SLC66A2: variants seen among roughly 807,000 people sequenced by gnomAD.
SLC66A2 encodes PQ loop repeat containing 1.
In SLC66A2, 23 loss-of-function variants were observed where a neutral mutation model predicts 25.5. The observed-to-expected ratio is 0.90, with a 90% CI of 0.65 to 1.28. SLC66A2 has a LOEUF of 1.28. Among genes scored for constraint, SLC66A2 ranks in the 50% most tolerant of loss-of-function variants. SLC66A2 has a pLI of 0.00. For missense variants in SLC66A2, 396 were observed against 373.1 expected (o/e 1.06, Z -0.51); for synonymous variants, 193 against 166.5 (o/e 1.16, Z -1.23).
rs990542541 is a variant in SLC66A2 at position 79,918,343 on chromosome 18, A to C, written c.608+841T>G. ...AGCATCTGTATTGGAGACCAGACTC[A>C]AGCAACGTGTGGGGGCTCAGGGTGT... On this transcript the variant is annotated intron_variant, in intron 5 of 5. Transcript: ENST00000397778. The surrounding 1 kb of genome is among the most constrained non-coding windows in gnomAD (Gnocchi z 4.0). Among the ~76,000 whole-genome samples, 3 of 151,214 alleles carry C rather than the reference A, an allele frequency of 2.0e-5. No individual in the cohort carries two copies. Among genetic ancestry groups the C allele is most frequent in the Non-Finnish European group, 4.4e-5 (3 of 67,694 alleles).
At chr18:79,936,204 G>A (rs1013009472) in intron 3 of SLC66A2, among the ~76,000 whole-genome samples, 2 of 152,198 alleles carry the variant, frequency 1.3e-5, no homozygotes, top group African/African-American at 2.4e-5. Context: ...TAGTGACAGG[G>A]AGGTGCCAGA....
chr18:79,909,302 A>G (rs1982581575), intron 5 of SLC66A2, among the ~76,000 whole-genome samples: 1 of 152,184 alleles, frequency 6.6e-6, no homozygotes, highest in Admixed American at 6.5e-5. Context: ...AATGACACTG[A>G]GTTCACAAAG....
rs371932324 is a variant in SLC66A2 at position 79,943,331 on chromosome 18, G to C, written c.335C>G (p.Thr112Arg). The C allele has an allele frequency of 1.6e-5, 26 of 1,613,850 alleles. No individual in the cohort carries two copies. In the African/African-American group the frequency reaches 2.1e-4, roughly 13 times the overall value. The change falls in exon 3 of 6, where the codon ACA (threonine) becomes AGA (arginine). Residue 112 changes from threonine to arginine, a missense_variant and splice_region_variant. Thr to Arg is a moderately conservative substitution (Grantham distance 71). Coordinates refer to ENST00000397778, the MANE Select transcript of SLC66A2 (RefSeq NM_025078.5). ...ATTCCGAAGCGCCGGCCACCAACCT[G>C]TAAAGGAGCGGCGCCTGGCGTTGAG... ...NELNARRRSF[T>R]AADSKDEEVK...
rs981950050 is a variant in SLC66A2, at chr18:79,949,097, G to A, written c.203+1627C>T. On this transcript the variant is annotated intron_variant, in intron 2 of 5. Transcript: ENST00000397778. The stretch of plus-strand genomic sequence containing the variant: ...GGACCCAAAATCCTCCTCCGAGGTC[G>A]TTGCAGGGGACAAACCTCCCTGCCT... Among the ~76,000 whole-genome samples the A allele has an allele frequency of 6.6e-5, 10 of 152,266 alleles. No homozygotes were observed. In the South Asian group the frequency reaches 1.4e-3, roughly 22 times the overall value.
In SLC66A2 at chr18:79,927,586, G is replaced by T. The variant is rs1038947791; in HGVS notation, c.391+6383C>A. Among the ~76,000 whole-genome samples the T allele has an allele frequency of 1.3e-5, 2 of 152,186 alleles. No homozygotes were observed. Among genetic ancestry groups the T allele is most frequent in the Non-Finnish European group, 2.9e-5 (2 of 68,034 alleles). ...GTGCAGCAGGCGGCAACAGGGACAG[G>T]CAGACGACACAGCTGGGGCCAGAGG... On this transcript the variant is annotated intron_variant, in intron 4 of 5. Coordinates refer to ENST00000397778, the MANE Select transcript of SLC66A2 (RefSeq NM_025078.5). This position sits in a 1 kb window ranked among gnomAD's most constrained non-coding sequence, Gnocchi z 6.2.
chr18:79,910,508 T>TCTCA (rs1234488735), intron 5 of SLC66A2, among the ~76,000 whole-genome samples: 5 of 151,682 alleles, frequency 3.3e-5, no homozygotes, highest in African/African-American at 4.8e-5. Context: ...TTCCCCACCA[T>TCTCA]CTCACAAGAC....
chr18:79,916,107 G>A (rs878927567), intron 5 of SLC66A2: 255 of 183,450 alleles, frequency 1.4e-3, no homozygotes, highest in Non-Finnish European at 2.1e-3. Flanking sequence ...CATACCCGCA[G>A]TGCTCCCGTA....
At chr18:79,946,890 G>A (rs966912034) in intron 2 of SLC66A2, among the ~76,000 whole-genome samples, 15 of 152,034 alleles carry the variant, frequency 9.9e-5, no homozygotes, top group East Asian at 3.9e-4. Flanking sequence ...GCTTGAACCC[G>A]GGAGGCGGTG....
In SLC66A2 at chr18:79,927,582, A is replaced by G. The variant is rs1382595906; in HGVS notation, c.391+6387T>C. Reference sequence around the variant, plus strand: ...ACCTGTGCAGCAGGCGGCAACAGGGACAGGCAGACGACACAGCTGGGGCCA... The same window carrying G: ...ACCTGTGCAGCAGGCGGCAACAGGGGCAGGCAGACGACACAGCTGGGGCCA... On this transcript the variant is annotated intron_variant, in intron 4 of 5. Coordinates refer to ENST00000397778, the MANE Select transcript of SLC66A2 (RefSeq NM_025078.5). This position sits in a 1 kb window ranked among gnomAD's most constrained non-coding sequence, Gnocchi z 6.2. 6.6e-5 allele frequency among the ~76,000 whole-genome samples: 10 copies of G among 152,222 alleles called. No individual in the cohort carries two copies.
At chr18:79,946,233 T>C (rs1309914872) in intron 2 of SLC66A2, among the ~76,000 whole-genome samples, 1 of 128,566 alleles carries the variant, frequency 7.8e-6, no homozygotes, top group Non-Finnish European at 1.8e-5. Flanking sequence ...AATTTTAGGG[T>C]GAAGACAAAG....
At chr18:79,946,527 C>G (rs543381967) in intron 2 of SLC66A2, among the ~76,000 whole-genome samples, 1 of 152,230 alleles carries the variant, frequency 6.6e-6, no homozygotes, top group South Asian at 2.1e-4. Flanking sequence ...GCCTGCTCCT[C>G]GGGAAGCACC....
rs758869244 is a variant in SLC66A2 at position 79,934,035 on chromosome 18, A to G, written c.338-13T>C. The stretch of plus-strand genomic sequence containing the variant: ...TTGCTATCTGCAGCTACACGTTAAA[A>G]AGGGAGACAGAAACAGAAAGGGGAA... On this transcript the variant is annotated splice_polypyrimidine_tract_variant and intron_variant, in intron 3 of 5. Transcript: ENST00000397778. The G allele has an allele frequency of 6.2e-7, 1 of 1,610,370 alleles. No individual in the cohort carries two copies. Among genetic ancestry groups the G allele is most frequent in the East Asian group, 2.2e-5 (1 of 44,822 alleles).
chr18:79,904,404 A>AC lies in SLC66A2; in HGVS notation c.609-222dup, dbSNP rs1478964221. 1.3e-4 allele frequency among the ~76,000 whole-genome samples: 19 copies of AC among 151,672 alleles called. No homozygotes were observed. In the East Asian group the frequency reaches 2.1e-3, roughly 17 times the overall value. ...ACAGGGTGACCCAGGGGTCAGGGACACCCCAGGGGGCCAAAGGACACACCC... is the reference window on the plus strand; with the variant it reads ...ACAGGGTGACCCAGGGGTCAGGGACACCCCCAGGGGGCCAAAGGACACACCC... On this transcript the variant is annotated intron_variant, in intron 5 of 5. Transcript: ENST00000397778. The surrounding 1 kb of genome is among the most constrained non-coding windows in gnomAD (Gnocchi z 6.3).
chr18:79,936,574 G>A (rs1189211728), intron 3 of SLC66A2, among the ~76,000 whole-genome samples: 1 of 152,106 alleles, frequency 6.6e-6, no homozygotes, highest in Non-Finnish European at 1.5e-5. Context: ...GTTGAGATTT[G>A]GGACAAATTT....
intron 5 of SLC66A2, among the ~76,000 whole-genome samples, chr18:79,911,533 C>T (rs532338947): frequency 2.6e-5 from 4 of 152,358 alleles, no homozygotes; most frequent in South Asian, 2.1e-4. Flanking sequence ...TTAGCGTCCC[C>T]GGGGCCCTGA....
In SLC66A2 at chr18:79,903,905, C is replaced by T. The variant is rs1284853042; in HGVS notation, c.*71G>A. The T allele has an allele frequency of 1.4e-6, 2 of 1,411,298 alleles. No individual in the cohort carries two copies. Among genetic ancestry groups the T allele is most frequent in the Non-Finnish European group, 9.5e-7 (1 of 1,047,554 alleles). The allele number at this position is 1,411,298 out of a possible 1,614,324, so 87.4% of individuals were successfully genotyped here. A position where few individuals can be genotyped will look rare whatever the true frequency, so the allele number is the denominator to read the frequency against. ...CACCTGCAGGGGCCACAGCACCCAC[C>T]CTCCCCGCGGGGAGGTCAGGGCCCA... On this transcript the variant is annotated 3_prime_UTR_variant, in exon 6 of 6. Transcript: ENST00000397778.
intron 3 of SLC66A2, among the ~76,000 whole-genome samples, chr18:79,938,555 G>A (rs1030706655): frequency 6.6e-5 from 10 of 152,178 alleles, no homozygotes; most frequent in African/African-American, 2.2e-4. Flanking sequence ...TCATAATTTT[G>A]AAAATTATGC....
At chr18:79,913,614 C>T (rs959217145) in intron 5 of SLC66A2, among the ~76,000 whole-genome samples, 1 of 152,230 alleles carries the variant, frequency 6.6e-6, no homozygotes, top group South Asian at 2.1e-4. Context: ...CGCGCACGCG[C>T]GCATGGAGGC....
At chr18:79,909,530 CAG>C (rs1218330182) in intron 5 of SLC66A2, among the ~76,000 whole-genome samples, 5 of 79,666 alleles carry the variant, frequency 6.3e-5, no homozygotes, top group African/African-American at 2.0e-4. Context: ...AACATCACCA[CAG>C]AGTCCCCAAC....
Sources: gnomAD v4.1 joint callset for allele counts (sites outside exome capture counted in the v4.1 genomes callset) on GRCh38, gnomAD v4.1.1 for gene constraint, Gnocchi (gnomAD v3.1) non-coding constraint, MANE v1.5 for transcripts, NCBI Gene and HGNC (gene_info 2026-07-23, HGNC 2026-07-21) for gene names.